ABCG1: variants seen among roughly 807,000 people sequenced by gnomAD.
ABCG1 encodes the protein ATP-binding cassette sub-family G member 1.
A neutral mutation model predicts 69.2 loss-of-function variants in ABCG1; 29 were observed. That is an observed-to-expected ratio of 0.42 (90% CI 0.31 to 0.57). The LOEUF is 0.57. Ranked by LOEUF, ABCG1 falls within the 20% of genes least tolerant of loss-of-function variation. ABCG1 has a pLI of 0.15. For missense variants in ABCG1, 718 were observed against 898.1 expected (o/e 0.80, Z 2.56); for synonymous variants, 370 against 374.8 (o/e 0.99, Z 0.15).
At chr21:42,245,959 C>G (rs1036831373) in intron 2 of ABCG1, among the ~76,000 whole-genome samples, 7 of 152,050 alleles carry the variant, frequency 4.6e-5, no homozygotes, top group Non-Finnish European at 8.8e-5. Flanking sequence ...CCTTCTTCCT[C>G]GGAATGGCCT....
chr21:42,259,879 G>GCA (rs770631453), intron 2 of ABCG1: 29 of 1,442,350 alleles, frequency 2.0e-5, no homozygotes, highest in Non-Finnish European at 2.1e-5. Flanking sequence ...TGGCAAAGGA[G>GCA]CACAGCGGGA....
At chr21:42,294,090 C>T (rs1423786229) in intron 13 of ABCG1, among the ~76,000 whole-genome samples, 2 of 152,144 alleles carry the variant, frequency 1.3e-5, no homozygotes, top group Non-Finnish European at 2.9e-5. Context: ...TCTGGGCTGC[C>T]CTCCCGGAGG....
chr21:42,279,329 G>A (rs1306757878), intron 5 of ABCG1, among the ~76,000 whole-genome samples: 1 of 152,216 alleles, frequency 6.6e-6, no homozygotes, highest in Non-Finnish European at 1.5e-5. Context: ...AGCAAACGGT[G>A]GAGAGGGTCT....
chr21:42,278,617 C>T (rs980980208), intron 5 of ABCG1, among the ~76,000 whole-genome samples: 2 of 152,214 alleles, frequency 1.3e-5, no homozygotes, highest in African/African-American at 4.8e-5. Context: ...GGAACCAACC[C>T]TGCTGCCCTC....
At position 42,287,680 on chromosome 21, in the gene ABCG1, C is replaced by T. The variant is rs371627915; in HGVS notation, c.974-209C>T. 1.1e-3 allele frequency among the ~76,000 whole-genome samples: 165 copies of T among 152,316 alleles called. No individual in the cohort carries two copies. Among genetic ancestry groups the T allele is most frequent in the Non-Finnish European group, 1.8e-3 (125 of 68,032 alleles). On this transcript the variant is annotated intron_variant, in intron 8 of 14. Coordinates refer to ENST00000398449, the MANE Select transcript of ABCG1 (RefSeq NM_016818.3). This position sits in a 1 kb window ranked among gnomAD's most constrained non-coding sequence, Gnocchi z 6.2. ...CAGCACAGTGTGTGTTTGCGTTTCC[C>T]GTCTCCTGACATGATAAAGGGCCTT... is the stretch of plus-strand genomic sequence containing the variant.
intron 2 of ABCG1, among the ~76,000 whole-genome samples, chr21:42,246,581 A>G (rs1181962562): frequency 1.3e-5 from 2 of 152,234 alleles, no homozygotes; most frequent in Admixed American, 1.3e-4. Context: ...TAATTTCAAG[A>G]TACAATGGCG....
upstream of ABCG1, among the ~76,000 whole-genome samples, chr21:42,211,212 G>A (rs74644357): frequency 6.6e-6 from 1 of 152,040 alleles, no homozygotes; most frequent in Non-Finnish European, 1.5e-5. Flanking sequence ...CCCGCCTCGG[G>A]CTCCCAAAGT....
chr21:42,242,035 T>A (rs75365894), intron 2 of ABCG1, among the ~76,000 whole-genome samples: 2 of 147,744 alleles, frequency 1.4e-5, no homozygotes, highest in Non-Finnish European at 3.0e-5. Context: ...GTTTTACAAA[T>A]ATGCCTGCCA....
In ABCG1 at chr21:42,278,241, G is replaced by A. The variant is rs2068744490; in HGVS notation, c.588+1296G>A. On this transcript the variant is annotated intron_variant, in intron 5 of 14. Coordinates refer to ENST00000398449, the MANE Select transcript of ABCG1 (RefSeq NM_016818.3). ...GAGTTTATTGTCTAGGCTGAAAGGC[G>A]AGAGCCCCCTCTGGATAGTGTTTTC... Among the ~76,000 whole-genome samples the A allele has an allele frequency of 2.6e-5, 4 of 152,146 alleles. No homozygotes were observed. In the South Asian group the frequency reaches 8.3e-4, roughly 32 times the overall value.
intron 2 of ABCG1, among the ~76,000 whole-genome samples, chr21:42,240,220 G>T (rs1477086721): frequency 6.6e-6 from 1 of 152,222 alleles, no homozygotes; most frequent in Admixed American, 6.5e-5. Context: ...CTGCTTCCAT[G>T]TTATCAGTGA....
At chr21:42,259,305 G>A in intron 2 of ABCG1, 2 of 1,536,944 alleles carry the variant, frequency 1.3e-6, no homozygotes, top group Non-Finnish European at 1.8e-6. Context: ...GTGAAGTTTT[G>A]TTGCAGTAGC....
intron 2 of ABCG1, among the ~76,000 whole-genome samples, chr21:42,262,618 C>T (rs772155379): frequency 3.3e-5 from 5 of 152,284 alleles, no homozygotes; most frequent in Non-Finnish European, 5.9e-5. Flanking sequence ...TATGCCCACT[C>T]GGAGGAGGAG....
rs2068957338 is a variant in ABCG1, at chr21:42,287,174, G to T, written c.974-715G>T. On this transcript the variant is annotated intron_variant, in intron 8 of 14. Coordinates refer to ENST00000398449, the MANE Select transcript of ABCG1 (RefSeq NM_016818.3). The surrounding 1 kb of genome is among the most constrained non-coding windows in gnomAD (Gnocchi z 6.2). The stretch of plus-strand genomic sequence containing the variant: ...GAGGCAGGAGAGGGCAGAGGGGTTG[G>T]GAGAAAGCAGATGTAGGCAGAGGGA... Among the ~76,000 whole-genome samples the T allele has an allele frequency of 6.6e-6, 1 of 152,202 alleles. No individual in the cohort carries two copies. Among genetic ancestry groups the T allele is most frequent in the East Asian group, 1.9e-4 (1 of 5,206 alleles).
upstream of ABCG1, among the ~76,000 whole-genome samples, chr21:42,214,926 G>A (rs924251660): frequency 1.3e-5 from 2 of 152,258 alleles, no homozygotes; most frequent in South Asian, 4.1e-4. Flanking sequence ...CAGAGGGACA[G>A]CTTTCTTTGT....
chr21:42,251,543 T>TGAG (rs35921043), intron 2 of ABCG1, among the ~76,000 whole-genome samples: 67,438 of 151,466 alleles, frequency 0.45, 15,242 homozygotes, highest in East Asian at 0.61. Context: ...AAGGTTGGGA[T>TGAG]GATAGGGTGG....
intron 2 of ABCG1, among the ~76,000 whole-genome samples, chr21:42,265,855 T>TGGCC (rs1168376170): frequency 6.6e-6 from 1 of 152,140 alleles, no homozygotes; most frequent in African/African-American, 2.4e-5. Flanking sequence ...GGCCTCCCCC[T>TGGCC]TAGTGAGGCA....
chr21:42,232,141 GC>G (rs1178011326), intron 2 of ABCG1, among the ~76,000 whole-genome samples: 1 of 152,216 alleles, frequency 6.6e-6, no homozygotes, highest in Non-Finnish European at 1.5e-5. Flanking sequence ...GCCTTACAGG[GC>G]CCCAAAGAGG....
At chr21:42,221,873 G>A (rs1050276154) in intron 1 of ABCG1, among the ~76,000 whole-genome samples, 2 of 152,158 alleles carry the variant, frequency 1.3e-5, no homozygotes, top group African/African-American at 4.8e-5. Context: ...CGGCCTGTGG[G>A]TGGCTTACTG....
At chr21:42,294,727 C>A in intron 14 of ABCG1, 67 bp downstream of exon 14, 1 of 1,435,708 alleles carries the variant, frequency 7.0e-7, no homozygotes, top group South Asian at 1.1e-5. Context: ...TCTCCAACAG[C>A]GTGAGGGGCT....
Sources: gnomAD v4.1 joint callset for allele counts (sites outside exome capture counted in the v4.1 genomes callset) on GRCh38, gnomAD v4.1.1 for gene constraint, Gnocchi (gnomAD v3.1) non-coding constraint, MANE v1.5 for transcripts, NCBI Gene and HGNC (gene_info 2026-07-23, HGNC 2026-07-21) for gene names.